The following ANK1 variants were observed in gnomAD, a reference collection of about 807,000 sequenced individuals.
The protein encoded by ANK1 is ankyrin-1.
A neutral mutation model predicts 210.4 loss-of-function variants in ANK1; 51 were observed. The observed-to-expected ratio is 0.24, with a 90% confidence interval of 0.19 to 0.31. The LOEUF is 0.31. Among genes scored for constraint, ANK1 ranks in the 10% least tolerant of loss-of-function variants. ANK1 has a pLI of 1.00. For missense variants in ANK1, 2,051 were observed against 2,504.4 expected (o/e 0.82, Z 3.86); for synonymous variants, 967 against 1,025.9 (o/e 0.94, Z 1.10).
chr8:41,751,022 C>A (rs1837580377), intron 2 of ANK1, among the ~76,000 whole-genome samples: 1 of 152,178 alleles, frequency 6.6e-6, no homozygotes, highest in African/African-American at 2.4e-5. Flanking sequence ...ACATCCATGT[C>A]AATCTGACAA....
At chr8:41,727,414 A>G (rs1830984727) in intron 4 of ANK1, 66 bp from the exon 5 acceptor site, 1 of 1,131,714 alleles carries the variant, frequency 8.8e-7, no homozygotes, top group Non-Finnish European at 1.3e-6. Flanking sequence ...CACCAGCACA[A>G]CGTCCTCTCA....
intron 2 of ANK1, among the ~76,000 whole-genome samples, chr8:41,742,973 G>C (rs546546100): frequency 6.6e-6 from 1 of 152,208 alleles, no homozygotes; most frequent in African/African-American, 2.4e-5. Context: ...ATTCAATTTG[G>C]ATTCTCTGTT....
intron 2 of ANK1, among the ~76,000 whole-genome samples, chr8:41,750,434 C>T (rs1277607667): frequency 6.6e-6 from 1 of 152,232 alleles, no homozygotes; most frequent in African/African-American, 2.4e-5. Context: ...TTATTGCAGG[C>T]TCATTATCCT....
intron 1 of ANK1, among the ~76,000 whole-genome samples, chr8:41,856,455 T>A (rs1461366402): frequency 1.3e-5 from 2 of 152,334 alleles, no homozygotes; most frequent in East Asian, 1.9e-4. Flanking sequence ...AAAACCTGGA[T>A]TCGAATCCCA....
Position 41,701,400 on chromosome 8 carries a change from T to C in ANK1, c.2461+150A>G, listed in dbSNP as rs2150605604. On this transcript the variant is annotated intron_variant, in intron 22 of 42. Transcript: ENST00000289734. ...TATTTTTGATAGTAGACAACAGTTA[T>C]AAAAACCAGGTCTCCCCAGTTTCAG... The C allele has an allele frequency of 5.9e-6, 4 of 681,472 alleles. No individual in the cohort carries two copies. The East Asian group carries it at 1.1e-4, about 18-fold the overall frequency. 42.2% of individuals were successfully genotyped at this position (681,472 alleles called of 1,614,324 possible). A position where few individuals can be genotyped will look rare whatever the true frequency, so the allele number is the denominator to read the frequency against.
intron 6 of ANK1, 132 bp from the exon 7 acceptor site, chr8:41,724,686 C>T: frequency 2.4e-6 from 2 of 842,312 alleles, no homozygotes; most frequent in Non-Finnish European, 3.9e-6. Context: ...TGGGTGGGAA[C>T]ATTTGGTGAG....
chr8:41,663,058 G>T (rs1809019393), intron 40 of ANK1, among the ~76,000 whole-genome samples: 1 of 151,876 alleles, frequency 6.6e-6, no homozygotes, highest in African/African-American at 2.4e-5. Flanking sequence ...GTGACTACAG[G>T]CATGCGCCAC....
intron 2 of ANK1, among the ~76,000 whole-genome samples, chr8:41,737,547 G>A (rs528346825): frequency 2.6e-5 from 4 of 152,300 alleles, no homozygotes; most frequent in East Asian, 1.9e-4. Context: ...GCAAGGGGCC[G>A]CCTGAGTAGA....
intron 1 of ANK1, among the ~76,000 whole-genome samples, chr8:41,784,071 A>T (rs1034288669): frequency 1.3e-5 from 2 of 151,772 alleles, no homozygotes; most frequent in African/African-American, 4.8e-5. Context: ...AAAAAAAAAA[A>T]AAGCTGTGAG....
chr8:41,718,685 G>A (rs555266812), intron 10 of ANK1, among the ~76,000 whole-genome samples: 18 of 152,238 alleles, frequency 1.2e-4, no homozygotes, highest in African/African-American at 7.2e-5. Flanking sequence ...TTTTTTCAGT[G>A]GTTTATCCAC....
chr8:41,791,682 C>T (rs1372361231), intron 1 of ANK1, among the ~76,000 whole-genome samples: 2 of 152,196 alleles, frequency 1.3e-5, no homozygotes, highest in Admixed American at 6.5e-5. Flanking sequence ...CCGCCCACCT[C>T]GGACTCCCAA....
chr8:41,849,141 T>G (rs1810680602), intron 1 of ANK1, among the ~76,000 whole-genome samples: 1 of 152,234 alleles, frequency 6.6e-6, no homozygotes, highest in Non-Finnish European at 1.5e-5. Flanking sequence ...GAACCACATT[T>G]GGAGGGGCTC....
At position 41,878,924 on chromosome 8, in the gene ANK1, A is replaced by G. The variant is rs1034710355; in HGVS notation, c.126+17431T>C. Among the ~76,000 whole-genome samples the G allele has an allele frequency of 3.3e-5, 5 of 152,198 alleles. No individual in the cohort carries two copies. In the South Asian group the frequency reaches 1.0e-3, roughly 32 times the overall value. ...CTAAAAACACAAAAATTAGCCAGGCATGGTGGTAGACGCCTGTAATCCCAG... is the reference window on the plus strand; with the variant it reads ...CTAAAAACACAAAAATTAGCCAGGCGTGGTGGTAGACGCCTGTAATCCCAG... On this transcript the variant is annotated intron_variant, in intron 1 of 42. Coordinates refer to the ANK1 transcript ENST00000265709.
At chr8:41,752,807 C>A (rs1838071783) in intron 2 of ANK1, among the ~76,000 whole-genome samples, 1 of 151,560 alleles carries the variant, frequency 6.6e-6, no homozygotes, top group African/African-American at 2.4e-5. Context: ...GGCCCCCCCC[C>A]ACTGCACCGC....
chr8:41,754,730 G>A (rs1323816791), intron 2 of ANK1, among the ~76,000 whole-genome samples: 1 of 152,184 alleles, frequency 6.6e-6, no homozygotes, highest in Non-Finnish European at 1.5e-5. Context: ...GTCCCGCTGG[G>A]TGCATTCGTG....
chr8:41,721,599 G>T (rs1316828938), intron 9 of ANK1, among the ~76,000 whole-genome samples: 1 of 147,352 alleles, frequency 6.8e-6, no homozygotes, highest in African/African-American at 2.5e-5. Context: ...GGAGGTTGCA[G>T]TGAGTAGAGA....
At chr8:41,727,219 G>A in intron 5 of ANK1, 31 bp downstream of exon 5, 1 of 1,563,396 alleles carries the variant, frequency 6.4e-7, no homozygotes, top group Non-Finnish European at 8.8e-7. Flanking sequence ...GGAGACTTCT[G>A]GTGGTGACGA....
chr8:41,683,292 G>C (rs117271404), intron 37 of ANK1, among the ~76,000 whole-genome samples: 3,784 of 152,316 alleles, frequency 0.025, 52 homozygotes, highest in Middle Eastern at 0.041. Context: ...GATGAGGTCA[G>C]AGGCAGAAGA....
chr8:41,835,376 C>T (rs992198407), intron 1 of ANK1, among the ~76,000 whole-genome samples: 32 of 152,090 alleles, frequency 2.1e-4, no homozygotes, highest in African/African-American at 2.4e-4. Flanking sequence ...CGCTTGAACC[C>T]GGGAGGTGGA....
Sources: allele counts gnomAD v4.1 joint callset (sites outside exome capture counted in the v4.1 genomes callset), GRCh38; gene constraint gnomAD v4.1.1; transcripts MANE v1.5; gene names NCBI Gene and HGNC (gene_info 2026-07-23, HGNC 2026-07-21).